Variants in GUCY1A2 observed in about 807,000 individuals in gnomAD.
The protein encoded by GUCY1A2 is guanylate cyclase soluble subunit alpha-2.
GUCY1A2 carries 27 observed loss-of-function variants against 63.5 expected under a neutral mutation model. The observed-to-expected ratio is 0.43, with a 90% confidence interval of 0.31 to 0.59. The LOEUF (loss-of-function observed/expected upper bound fraction) is 0.59, where lower values mean the gene tolerates loss of function less well. GUCY1A2 is among the 20% of genes least tolerant of loss of function. The pLI, the probability that GUCY1A2 is intolerant of heterozygous loss-of-function variation, is 0.11. For missense variants in GUCY1A2, 768 were observed against 913.3 expected, an observed-to-expected ratio of 0.84 and a Z score of 2.05; for synonymous variants, 364 against 343.5, an observed-to-expected ratio of 1.06 and a Z score of -0.66.
intron 5 of GUCY1A2, among the ~76,000 whole-genome samples, chr11:106,783,540 A>C (rs187981393): frequency 1.4e-3 from 207 of 152,226 alleles, no homozygotes; most frequent in African/African-American, 4.7e-3. Context: ...CAGCAATCTT[A>C]TCAGGTTCTG....
chr11:106,784,058 T>G (rs1864513656), intron 5 of GUCY1A2, among the ~76,000 whole-genome samples: 1 of 152,074 alleles, frequency 6.6e-6, no homozygotes, highest in African/African-American at 2.4e-5. Flanking sequence ...TTTATTTTCC[T>G]TCATCATTTC....
chr11:106,786,327 C>T lies in GUCY1A2; in HGVS notation c.1693-9745G>A, dbSNP rs80322224. On this transcript the variant is annotated intron_variant, in intron 5 of 7. Coordinates refer to ENST00000526355, the MANE Select transcript of GUCY1A2 (RefSeq NM_000855.3). The stretch of plus-strand genomic sequence containing the variant: ...TTGGTTGACATTTTTGACCCAAATA[C>T]GGCTGCTTTTAAGGATGACTCTACA... 1.9e-3 allele frequency among the ~76,000 whole-genome samples: 296 copies of T among 152,208 alleles called. 5 individuals carry two copies. The East Asian group carries it at 0.051, about 26-fold the overall frequency.
At chr11:106,777,445 CA>C (rs34353077) in intron 5 of GUCY1A2, among the ~76,000 whole-genome samples, 28,306 of 91,326 alleles carry the variant, frequency 0.31, 2,100 homozygotes, top group South Asian at 0.37. Flanking sequence ...GACTTGGTCT[CA>C]AAAAAAAAAA....
At chr11:106,837,113 A>G (rs1383729320) in intron 4 of GUCY1A2, among the ~76,000 whole-genome samples, 1 of 151,796 alleles carries the variant, frequency 6.6e-6, no homozygotes, top group African/African-American at 2.4e-5. Context: ...CAAACTACCC[A>G]ATAGTTATTT....
chr11:106,821,720 T>G (rs1012435395), intron 4 of GUCY1A2, among the ~76,000 whole-genome samples: 8 of 152,206 alleles, frequency 5.3e-5, no homozygotes, highest in Non-Finnish European at 1.5e-5. Flanking sequence ...GAGAGCCATT[T>G]GGATGTGTAA....
intron 5 of GUCY1A2, among the ~76,000 whole-genome samples, chr11:106,795,494 AT>A (rs1218616867): frequency 6.6e-6 from 1 of 152,188 alleles, no homozygotes; most frequent in African/African-American, 2.4e-5. Flanking sequence ...TAAGAACAGC[AT>A]TATCTTAATA....
chr11:106,767,150 G>A (rs1487017470), intron 6 of GUCY1A2, among the ~76,000 whole-genome samples: 1 of 152,008 alleles, frequency 6.6e-6, no homozygotes, highest in Admixed American at 6.6e-5. Flanking sequence ...TAAAATACAT[G>A]AAATAGATTA....
rs150798301 is a variant in GUCY1A2 at position 106,756,367 on chromosome 11, T to C, written c.1836+20072A>G. The stretch of plus-strand genomic sequence containing the variant: ...TTTACATTTAAGGTTAATACTGTTA[T>C]GTGTGAATTTGATTTTGTCCTCATG... On this transcript the variant is annotated intron_variant, in intron 6 of 7. Transcript: ENST00000526355. Among the ~76,000 whole-genome samples, 1,215 of 152,330 alleles carry C rather than the reference T, an allele frequency of 8.0e-3. 15 individuals carry two copies. Among genetic ancestry groups the C allele is most frequent in the African/African-American group, 0.027 (1,122 of 41,562 alleles).
chr11:106,982,335 T>TA, intron 2 of GUCY1A2, among the ~76,000 whole-genome samples: 1 of 152,308 alleles, frequency 6.6e-6, no homozygotes, highest in South Asian at 2.1e-4. Context: ...GCCTGTCTGC[T>TA]ACTGACTTCT....
intron 1 of GUCY1A2, among the ~76,000 whole-genome samples, chr11:107,017,208 G>A (rs573951405): frequency 6.6e-6 from 1 of 152,310 alleles, no homozygotes. Context: ...AGTATCTGAA[G>A]ATGTGAGAAA....
intron 4 of GUCY1A2, among the ~76,000 whole-genome samples, chr11:106,874,643 T>C (rs1003403349): frequency 2.6e-5 from 4 of 152,162 alleles, no homozygotes; most frequent in African/African-American, 9.6e-5. Flanking sequence ...ACCTTATTAT[T>C]GGCATAAAAA....
At chr11:106,887,591 G>A (rs1193031454) in intron 4 of GUCY1A2, among the ~76,000 whole-genome samples, 2 of 152,164 alleles carry the variant, frequency 1.3e-5, no homozygotes, top group African/African-American at 4.8e-5. Flanking sequence ...CCAAAGCCCT[G>A]CTGAGACCTC....
At chr11:106,877,058 G>T (rs1310616440) in intron 4 of GUCY1A2, among the ~76,000 whole-genome samples, 6 of 152,010 alleles carry the variant, frequency 3.9e-5, no homozygotes, top group African/African-American at 1.4e-4. Context: ...TGCAGTAAAG[G>T]GCCGTAAGCA....
chr11:106,916,212 G>C (rs977843172), intron 4 of GUCY1A2, among the ~76,000 whole-genome samples: 4 of 145,608 alleles, frequency 2.7e-5, no homozygotes, highest in African/African-American at 9.8e-5. Flanking sequence ...ACTACTTTGA[G>C]AATCATAAAT....
intron 3 of GUCY1A2, among the ~76,000 whole-genome samples, chr11:106,969,570 CA>C (rs35401717): frequency 1.5e-4 from 23 of 149,310 alleles, no homozygotes; most frequent in South Asian, 4.2e-4. Context: ...GAAATAAAGA[CA>C]AAAAAAAACA....
At chr11:106,793,585 T>C (rs1193354866) in intron 5 of GUCY1A2, among the ~76,000 whole-genome samples, 1 of 150,440 alleles carries the variant, frequency 6.6e-6, no homozygotes, top group Non-Finnish European at 1.5e-5. Flanking sequence ...GGGGAGAAAA[T>C]ATTTGCAAAT....
intron 5 of GUCY1A2, among the ~76,000 whole-genome samples, chr11:106,788,832 T>C (rs1230764434): frequency 6.6e-6 from 1 of 152,144 alleles, no homozygotes; most frequent in African/African-American, 2.4e-5. Flanking sequence ...AAGTCAGGTA[T>C]TGTAATTCCT....
chr11:106,695,484 A>G (rs535164537), intron 7 of GUCY1A2, among the ~76,000 whole-genome samples: 1 of 152,242 alleles, frequency 6.6e-6, no homozygotes, highest in African/African-American at 2.4e-5. Context: ...GACGGTTCTG[A>G]AAGATGAAAA....
At chr11:106,909,995 C>T (rs567400561) in intron 4 of GUCY1A2, among the ~76,000 whole-genome samples, 2 of 151,916 alleles carry the variant, frequency 1.3e-5, no homozygotes, top group South Asian at 4.2e-4. Context: ...TATTAAGAAA[C>T]GTAGATATAT....
Sources: allele counts gnomAD v4.1 joint callset (sites outside exome capture counted in the v4.1 genomes callset), GRCh38; gene constraint gnomAD v4.1.1; transcripts MANE v1.5; gene names NCBI Gene and HGNC (gene_info 2026-07-23, HGNC 2026-07-21).